PARG: variants seen among roughly 807,000 people sequenced by gnomAD.
PARG encodes mitochondrial poly(ADP-ribose) glycohydrolase.
PARG carries 35 observed loss-of-function variants against 113.0 expected under a neutral mutation model. That is an observed-to-expected ratio of 0.31 (90% CI 0.24 to 0.41). The LOEUF is 0.41. Ranked by LOEUF, PARG falls within the 10% of genes least tolerant of loss-of-function variation. The pLI, the probability that PARG is intolerant of heterozygous loss-of-function variation, is 1.00. For missense variants in PARG, 797 were observed against 1,169.4 expected, an observed-to-expected ratio of 0.68 and a Z score of 4.64; for synonymous variants, 330 against 409.9, an observed-to-expected ratio of 0.81 and a Z score of 2.36.
At chr10:49,840,760 G>A (rs1845190937) in intron 15 of PARG, among the ~76,000 whole-genome samples, 1 of 152,214 alleles carries the variant, frequency 6.6e-6, no homozygotes, top group Non-Finnish European at 1.5e-5. Flanking sequence ...AGTTGTAAGT[G>A]TAGTAAAAAT....
chr10:49,887,956 C>T (rs569133039), intron 7 of PARG, among the ~76,000 whole-genome samples: 4 of 152,042 alleles, frequency 2.6e-5, no homozygotes, highest in Admixed American at 6.6e-5. Flanking sequence ...TTTCTTTTCC[C>T]TTCCTCCTTA....
intron 7 of PARG, among the ~76,000 whole-genome samples, chr10:49,889,640 A>C (rs1440033827): frequency 1.3e-5 from 2 of 152,228 alleles, no homozygotes; most frequent in African/African-American, 4.8e-5. Context: ...AAGGACAGAG[A>C]GAAGTGCCTA....
intron 6 of PARG, among the ~76,000 whole-genome samples, chr10:49,917,308 G>A (rs549707225): frequency 3.9e-5 from 6 of 152,084 alleles, no homozygotes; most frequent in African/African-American, 1.4e-4. Flanking sequence ...GGCCAACATG[G>A]TGAAACCATG....
At chr10:49,884,664 G>A (rs1847376167) in intron 8 of PARG, among the ~76,000 whole-genome samples, 2 of 149,208 alleles carry the variant, frequency 1.3e-5, no homozygotes, top group Admixed American at 1.3e-4. Context: ...CCAGGAGGTG[G>A]AGGATGCAGT....
intron 1 of PARG, among the ~76,000 whole-genome samples, chr10:49,938,397 T>C (rs1265294962): frequency 6.6e-6 from 1 of 152,216 alleles, no homozygotes; most frequent in Non-Finnish European, 1.5e-5. Flanking sequence ...AGCAACATTA[T>C]TCAGTACCCA....
chr10:49,852,961 T>C (rs1293765095), intron 13 of PARG, among the ~76,000 whole-genome samples: 1 of 151,782 alleles, frequency 6.6e-6, no homozygotes, highest in African/African-American at 2.4e-5. Flanking sequence ...AGAATGTAAA[T>C]TCATCTTAAA....
intron 4 of PARG, among the ~76,000 whole-genome samples, chr10:49,925,955 T>A (rs2664672): frequency 6.6e-6 from 1 of 152,232 alleles, no homozygotes; most frequent in African/African-American, 2.4e-5. Context: ...TTATTCCTGA[T>A]GCAAGTCCTG....
intron 1 of PARG, among the ~76,000 whole-genome samples, chr10:49,938,473 A>G (rs1375828781): frequency 6.6e-6 from 1 of 152,268 alleles, no homozygotes; most frequent in African/African-American, 2.4e-5. Context: ...ACAAAACGCA[A>G]TAAAATTCAC....
intron 12 of PARG, among the ~76,000 whole-genome samples, chr10:49,861,200 TG>T (rs1846234625): frequency 6.6e-6 from 1 of 151,826 alleles, no homozygotes; most frequent in African/African-American, 2.4e-5. Context: ...GGTCATCAAC[TG>T]GGGCAGAGCA....
At chr10:49,849,936 T>G (rs1845683342) in intron 13 of PARG, among the ~76,000 whole-genome samples, 1 of 152,164 alleles carries the variant, frequency 6.6e-6, no homozygotes, top group Non-Finnish European at 1.5e-5. Flanking sequence ...GAGGATCCCT[T>G]GAGCTCAGGA....
chr10:49,862,170 G>T lies in PARG; in HGVS notation c.2130-507C>A, dbSNP rs1173988324. On this transcript the variant is annotated intron_variant, in intron 11 of 17. Coordinates refer to ENST00000616448, the MANE Select transcript of PARG (RefSeq NM_003631.5). ...ACAATGGTATTTTTCTATTAATAAG[G>T]TTAACAGATAAACTTAGTACCTGTA... is the stretch of plus-strand genomic sequence containing the variant. Among the ~76,000 whole-genome samples, 3 of 150,532 alleles carry T rather than the reference G, an allele frequency of 2.0e-5. No individual in the cohort carries two copies. The East Asian group carries it at 5.8e-4, about 29-fold the overall frequency.
intron 7 of PARG, among the ~76,000 whole-genome samples, chr10:49,886,390 C>T (rs1169448238): frequency 1.3e-5 from 2 of 152,158 alleles, no homozygotes; most frequent in Non-Finnish European, 2.9e-5. Flanking sequence ...AGAATATTTG[C>T]CCTGATTTTG....
At chr10:49,921,823 A>T (rs1837888914) in intron 6 of PARG, among the ~76,000 whole-genome samples, 1 of 151,806 alleles carries the variant, frequency 6.6e-6, no homozygotes, top group East Asian at 1.9e-4. Flanking sequence ...CCTTGCAGTC[A>T]TAAATGAAAT....
At chr10:49,834,047 G>C (rs562508170) in intron 15 of PARG, among the ~76,000 whole-genome samples, 1 of 152,120 alleles carries the variant, frequency 6.6e-6, no homozygotes, top group Non-Finnish European at 1.5e-5. Context: ...AATCCTGACA[G>C]ATATTAATTA....
At chr10:49,891,121 T>C (rs1349051925) in intron 7 of PARG, among the ~76,000 whole-genome samples, 1 of 152,140 alleles carries the variant, frequency 6.6e-6, no homozygotes, top group African/African-American at 2.4e-5. Context: ...AAGACCATCC[T>C]GGCTAACATG....
rs78409821 is a variant in PARG, at chr10:49,829,681, C to T, written c.2647+3122G>A. On this transcript the variant is annotated intron_variant, in intron 16 of 17. Transcript: ENST00000616448. ...CAACAAAACAAAACAAAGACTATCA[C>T]CCACTAGAGAACAACCATAGTTAAT... Among the ~76,000 whole-genome samples, 573 of 152,194 alleles carry T rather than the reference C, an allele frequency of 3.8e-3. 2 individuals are homozygous for T. Among genetic ancestry groups the T allele is most frequent in the African/African-American group, 0.013 (531 of 41,504 alleles).
chr10:49,845,834 T>G (rs1245763655), intron 13 of PARG, among the ~76,000 whole-genome samples: 1 of 151,350 alleles, frequency 6.6e-6, no homozygotes, highest in African/African-American at 2.4e-5. Flanking sequence ...GAGGCAGAGG[T>G]TGCAGTGAGC....
At chr10:49,847,259 A>G (rs1454459951) in intron 13 of PARG, among the ~76,000 whole-genome samples, 1 of 152,238 alleles carries the variant, frequency 6.6e-6, no homozygotes, top group African/African-American at 2.4e-5. Flanking sequence ...GATGAGGACA[A>G]GATGTTTACA....
intron 16 of PARG, among the ~76,000 whole-genome samples, chr10:49,821,860 A>G (rs1390363473): frequency 1.3e-5 from 2 of 152,206 alleles, no homozygotes; most frequent in African/African-American, 2.4e-5. Flanking sequence ...AAGGGAAAGG[A>G]AGAAGAACAG....
Sources: allele counts gnomAD v4.1 joint callset (sites outside exome capture counted in the v4.1 genomes callset), GRCh38; gene constraint gnomAD v4.1.1; transcripts MANE v1.5; gene names NCBI Gene and HGNC (gene_info 2026-07-23, HGNC 2026-07-21).